The following RORA variants were observed in gnomAD, a reference collection of about 807,000 sequenced individuals.
RORA encodes RAR related orphan receptor A, also known as nuclear receptor ROR-alpha.
RORA carries 7 observed loss-of-function variants against 69.5 expected under a neutral mutation model. The ratio of observed to expected loss-of-function variants is 0.10; its 90% CI spans 0.06 to 0.19. RORA has a LOEUF of 0.19. Ranked by LOEUF, RORA falls within the 10% of genes least tolerant of loss-of-function variation. RORA has a pLI of 1.00. For missense variants in RORA, 457 were observed against 663.0 expected (o/e 0.69, Z 3.41); for synonymous variants, 261 against 240.8 (o/e 1.08, Z -0.78).
intron 1 of RORA, chr15:60,848,061 C>G (rs2073286149): frequency 6.6e-6 from 1 of 152,426 alleles, no homozygotes; most frequent in South Asian, 2.1e-4. Flanking sequence ...CCGCTTGCTG[C>G]TCACTTCAGT....
intron 1 of RORA, among the ~76,000 whole-genome samples, chr15:60,787,284 T>C (rs2072348973): frequency 6.6e-6 from 1 of 152,202 alleles, no homozygotes; most frequent in African/African-American, 2.4e-5. Context: ...GTGGCAGGCA[T>C]GCACGCGATT....
intron 4 of RORA, among the ~76,000 whole-genome samples, chr15:60,513,114 C>T (rs1294844746): frequency 2.0e-5 from 3 of 152,168 alleles, no homozygotes; most frequent in Admixed American, 6.5e-5. Flanking sequence ...CTTTTCTTGC[C>T]AAAGAGGACG....
At chr15:60,886,962 GAAC>G (rs1409664795) in intron 1 of RORA, among the ~76,000 whole-genome samples, 1 of 152,178 alleles carries the variant, frequency 6.6e-6, no homozygotes, top group African/African-American at 2.4e-5. Flanking sequence ...CAGCCCACTA[GAAC>G]AACATCATCT....
intron 1 of RORA, among the ~76,000 whole-genome samples, chr15:61,042,760 C>A (rs1273031909): frequency 2.6e-5 from 4 of 152,204 alleles, no homozygotes; most frequent in Non-Finnish European, 5.9e-5. Flanking sequence ...GAATTGCCAG[C>A]CAAGTCCTTT....
At chr15:60,579,331 C>T (rs973445823) in intron 2 of RORA, among the ~76,000 whole-genome samples, 4 of 152,114 alleles carry the variant, frequency 2.6e-5, no homozygotes, top group African/African-American at 9.7e-5. Flanking sequence ...ACATTGAAGA[C>T]CACTACTGTA....
chr15:60,707,954 T>C (rs1162061714), intron 1 of RORA, among the ~76,000 whole-genome samples: 1 of 152,236 alleles, frequency 6.6e-6, no homozygotes, highest in Non-Finnish European at 1.5e-5. Context: ...AGGATTTGTA[T>C]AGAACACATT....
intron 2 of RORA, among the ~76,000 whole-genome samples, chr15:60,589,592 A>G (rs2068439702): frequency 6.6e-6 from 1 of 152,228 alleles, no homozygotes; most frequent in Admixed American, 6.5e-5. Flanking sequence ...AGCAATCCAA[A>G]TGGTATTGGA....
chr15:60,574,584 G>A (rs1217284325), intron 2 of RORA, among the ~76,000 whole-genome samples: 6 of 152,192 alleles, frequency 3.9e-5, no homozygotes, highest in Non-Finnish European at 5.9e-5. Context: ...CATTTACCAC[G>A]TGTACAAGAG....
intron 1 of RORA, among the ~76,000 whole-genome samples, chr15:60,819,442 C>G (rs1282245655): frequency 6.6e-6 from 1 of 152,172 alleles, no homozygotes; most frequent in Non-Finnish European, 1.5e-5. Flanking sequence ...GGTAACTTAG[C>G]CTTTTCTTCA....
At chr15:60,529,750 AC>A (rs1447831308) in intron 3 of RORA, 1 of 152,204 alleles carries the variant, frequency 6.6e-6, no homozygotes, top group Non-Finnish European at 1.5e-5. Flanking sequence ...TACTCAGTCA[AC>A]TTAGGTTTTA....
At chr15:60,593,695 C>A (rs531889032) in intron 2 of RORA, among the ~76,000 whole-genome samples, 1 of 152,288 alleles carries the variant, frequency 6.6e-6, no homozygotes, top group East Asian at 1.9e-4. Context: ...AGTTTGCGTA[C>A]CTATTGCGGT....
chr15:61,147,028 C>CG lies in RORA; in HGVS notation c.166+82024dup, dbSNP rs900824174. On this transcript the variant is annotated intron_variant, in intron 1 of 10. Transcript: ENST00000335670. The surrounding 1 kb of genome is among the most constrained non-coding windows in gnomAD (Gnocchi z 4.1). ...GGCTATTCATGGTGGGGGGCAGTCACGGGGGAACTAAATGGATTCCATTTC... is the reference window on the plus strand; with the variant it reads ...GGCTATTCATGGTGGGGGGCAGTCACGGGGGGAACTAAATGGATTCCATTTC... 1.3e-4 allele frequency among the ~76,000 whole-genome samples: 20 copies of CG among 151,100 alleles called. No individual in the cohort carries two copies. The highest frequency in any genetic ancestry group is 5.8e-4 in the East Asian group (3 of 5,138).
At chr15:60,661,097 A>G (rs1224588915) in intron 2 of RORA, among the ~76,000 whole-genome samples, 1 of 137,060 alleles carries the variant, frequency 7.3e-6, no homozygotes, top group South Asian at 2.3e-4. Context: ...TTTTTTTTTC[A>G]GGAAAAAATT....
At chr15:61,139,736 G>A (rs980610634) in intron 1 of RORA, among the ~76,000 whole-genome samples, 1 of 152,184 alleles carries the variant, frequency 6.6e-6, no homozygotes, top group Non-Finnish European at 1.5e-5. Context: ...TCCTGCCTCC[G>A]TGGCTGGCAC....
intron 1 of RORA, among the ~76,000 whole-genome samples, chr15:60,738,517 T>C (rs115958191): frequency 0.027 from 4,175 of 152,290 alleles, 203 homozygotes; most frequent in African/African-American, 0.096. Context: ...ACAAGCCCTT[T>C]CTCCATAATC....
intron 1 of RORA, among the ~76,000 whole-genome samples, chr15:60,995,193 T>C (rs1894496553): frequency 6.6e-6 from 1 of 152,156 alleles, no homozygotes; most frequent in Non-Finnish European, 1.5e-5. Flanking sequence ...TTTCTGGTTC[T>C]CTTCTTTCCT....
At chr15:60,731,480 A>G (rs2071427599) in intron 1 of RORA, among the ~76,000 whole-genome samples, 1 of 152,234 alleles carries the variant, frequency 6.6e-6, no homozygotes, top group Non-Finnish European at 1.5e-5. Flanking sequence ...TACTGAAGGA[A>G]GAAAACAGAA....
intron 1 of RORA, among the ~76,000 whole-genome samples, chr15:60,829,829 T>C (rs543844135): frequency 8.5e-5 from 13 of 152,220 alleles, no homozygotes; most frequent in Non-Finnish European, 1.5e-4. Context: ...GAACACATAC[T>C]TTATTCACAA....
Position 61,030,612 on chromosome 15 carries a change from A to C in RORA, c.166+198441T>G, listed in dbSNP as rs17303376. On this transcript the variant is annotated intron_variant, in intron 1 of 10. Transcript: ENST00000335670. ...TAAAACAGTTGTCATGTTGTGTGAG[A>C]AAATGAGTCAATCAGAGAATTAGAA... Among the ~76,000 whole-genome samples, 618 of 152,282 alleles carry C rather than the reference A, an allele frequency of 4.1e-3. 11 individuals carry two copies. The highest frequency in any genetic ancestry group is 0.036 in the Admixed American group (543 of 15,288).
Sources: allele counts gnomAD v4.1 joint callset (sites outside exome capture counted in the v4.1 genomes callset), GRCh38; gene constraint gnomAD v4.1.1; non-coding constraint Gnocchi (gnomAD v3.1); transcripts MANE v1.5; gene names NCBI Gene and HGNC (gene_info 2026-07-23, HGNC 2026-07-21).